RYR2: variants seen among roughly 807,000 people sequenced by gnomAD.
RYR2 encodes the protein cardiac muscle ryanodine receptor-calcium release channel.
A neutral mutation model predicts 601.1 loss-of-function variants in RYR2; 227 were observed. The observed-to-expected ratio is 0.38, with a 90% CI of 0.34 to 0.42. The LOEUF is 0.42. Ranked by LOEUF, RYR2 falls within the 10% of genes least tolerant of loss-of-function variation. RYR2 has a pLI of 1.00. For missense variants in RYR2, 4,646 were observed against 6,156.5 expected, an observed-to-expected ratio of 0.75 and a Z score of 8.21; for synonymous variants, 2,223 against 2,175.1, an observed-to-expected ratio of 1.02 and a Z score of -0.61.
intron 101 of RYR2, among the ~76,000 whole-genome samples, chr1:237,823,079 T>C (rs1662694338): frequency 6.6e-6 from 1 of 152,126 alleles, no homozygotes; most frequent in Admixed American, 6.5e-5. Flanking sequence ...CCCAAAATAA[T>C]AGTGGAAGAC....
intron 1 of RYR2, among the ~76,000 whole-genome samples, chr1:237,058,924 C>T (rs2148220620): frequency 6.6e-6 from 1 of 152,120 alleles, no homozygotes; most frequent in African/African-American, 2.4e-5. Flanking sequence ...GCTTATTGAA[C>T]ATTCTCTAGT....
chr1:237,826,173 C>T (rs1347958401), intron 101 of RYR2, among the ~76,000 whole-genome samples: 3 of 152,122 alleles, frequency 2.0e-5, no homozygotes, highest in Non-Finnish European at 4.4e-5. Context: ...GGGGATATAT[C>T]CAAAGAATTA....
At chr1:237,775,258 C>T (rs1230537258) in intron 87 of RYR2, among the ~76,000 whole-genome samples, 1 of 152,136 alleles carries the variant, frequency 6.6e-6, no homozygotes, top group Non-Finnish European at 1.5e-5. Context: ...TTCCCCAATG[C>T]TGACATTTTA....
intron 44 of RYR2, 74 bp downstream of exon 44, chr1:237,635,066 A>T (rs1319919416): frequency 3.3e-6 from 4 of 1,194,300 alleles, no homozygotes; most frequent in Admixed American, 2.9e-5. Context: ...TTTAAATATA[A>T]GTAAGGTTGG....
intron 17 of RYR2, among the ~76,000 whole-genome samples, chr1:237,477,150 T>A (rs1313828817): frequency 6.6e-6 from 1 of 152,100 alleles, no homozygotes; most frequent in Non-Finnish European, 1.5e-5. Context: ...CCCAGCACTT[T>A]GGGAGGCCGA....
At chr1:237,314,253 A>G (rs1694888968) in intron 2 of RYR2, among the ~76,000 whole-genome samples, 1 of 151,758 alleles carries the variant, frequency 6.6e-6, no homozygotes, top group South Asian at 2.1e-4. Flanking sequence ...TTTATTAGAG[A>G]CAGGGTTTCA....
intron 33 of RYR2, among the ~76,000 whole-genome samples, chr1:237,593,908 G>A (rs192244241): frequency 9.9e-5 from 15 of 152,272 alleles, no homozygotes; most frequent in Non-Finnish European, 2.1e-4. Context: ...AACAGCTTGG[G>A]TTACCAATAC....
intron 57 of RYR2, among the ~76,000 whole-genome samples, 160 bp downstream of exon 57, chr1:237,666,749 C>T (rs1684359425): frequency 6.6e-6 from 1 of 151,986 alleles, no homozygotes; most frequent in African/African-American, 2.4e-5. Flanking sequence ...TTTTTTAATG[C>T]TATCAAAATT....
intron 2 of RYR2, among the ~76,000 whole-genome samples, chr1:237,319,558 T>TA (rs1460677591): frequency 6.6e-6 from 1 of 152,164 alleles, no homozygotes; most frequent in African/African-American, 2.4e-5. Flanking sequence ...CTTAATGTTT[T>TA]AAAAAAATTA....
intron 2 of RYR2, among the ~76,000 whole-genome samples, chr1:237,317,863 T>A (rs1036704268): frequency 6.6e-6 from 1 of 152,204 alleles, no homozygotes; most frequent in African/African-American, 2.4e-5. Context: ...TAATCTATGA[T>A]GTGTCTATTA....
chr1:237,197,036 G>T (rs916274687), intron 1 of RYR2, among the ~76,000 whole-genome samples: 2 of 151,904 alleles, frequency 1.3e-5, no homozygotes, highest in Non-Finnish European at 2.9e-5. Flanking sequence ...GTTGTGAATG[G>T]AATCTTTAAA....
intron 83 of RYR2, 90 bp downstream of exon 83, chr1:237,759,942 G>A: frequency 1.2e-6 from 1 of 801,358 alleles, no homozygotes; most frequent in Non-Finnish European, 2.1e-6. Flanking sequence ...ATTGCACATA[G>A]AAGAATAGTT....
intron 2 of RYR2, among the ~76,000 whole-genome samples, chr1:237,277,076 G>C (rs948442748): frequency 2.9e-4 from 44 of 152,190 alleles, no homozygotes; most frequent in African/African-American, 9.2e-4. Flanking sequence ...ATCATGACCA[G>C]TGAAGGTTAT....
chr1:237,218,924 A>G (rs1403189163), intron 1 of RYR2, among the ~76,000 whole-genome samples: 1 of 151,794 alleles, frequency 6.6e-6, no homozygotes, highest in African/African-American at 2.4e-5. Context: ...CCCAAAAGCA[A>G]TTTATCATCA....
chr1:237,232,666 G>C (rs537374137), intron 1 of RYR2, among the ~76,000 whole-genome samples: 1 of 152,162 alleles, frequency 6.6e-6, no homozygotes, highest in Non-Finnish European at 1.5e-5. Flanking sequence ...AAGGCCCTAC[G>C]TCTGGACTGG....
At chr1:237,755,681 G>A (rs1439523633) in intron 80 of RYR2, among the ~76,000 whole-genome samples, 4 of 152,080 alleles carry the variant, frequency 2.6e-5, no homozygotes, top group Non-Finnish European at 4.4e-5. Context: ...ATGCAGTATC[G>A]TTTGTTACCA....
At chr1:237,737,373 C>T (rs1281641200) in intron 79 of RYR2, among the ~76,000 whole-genome samples, 2 of 152,170 alleles carry the variant, frequency 1.3e-5, no homozygotes, top group Non-Finnish European at 2.9e-5. Context: ...CCAGTATATT[C>T]ATATGTGCCA....
chr1:237,827,957 A>C (rs1481339078), intron 101 of RYR2, among the ~76,000 whole-genome samples: 1 of 144,004 alleles, frequency 6.9e-6, no homozygotes, highest in East Asian at 2.2e-4. Flanking sequence ...AAAAAAAAAA[A>C]AAAAAAAAAG....
intron 1 of RYR2, among the ~76,000 whole-genome samples, chr1:237,137,380 T>C (rs1214666925): frequency 1.3e-5 from 2 of 152,192 alleles, no homozygotes; most frequent in African/African-American, 2.4e-5. Flanking sequence ...CATGGGGGCA[T>C]AACAGTGCAG....
Sources: gnomAD v4.1 joint callset for allele counts (sites outside exome capture counted in the v4.1 genomes callset) on GRCh38, gnomAD v4.1.1 for gene constraint, MANE v1.5 for transcripts, NCBI Gene and HGNC (gene_info 2026-07-23, HGNC 2026-07-21) for gene names.